Variants in SULT6B1 observed in about 807,000 individuals in gnomAD.
SULT6B1 encodes sulfotransferase 6B1.
Under a neutral mutation model 37.2 loss-of-function variants are expected in SULT6B1, and 44 were observed. The observed-to-expected ratio is 1.18, with a 90% CI of 0.93 to 1.52. The LOEUF (loss-of-function observed/expected upper bound fraction) is 1.52, where lower values mean the gene tolerates loss of function less well. Among genes scored for constraint, SULT6B1 ranks in the 40% most tolerant of loss-of-function variants. The probability of loss-of-function intolerance (pLI) is 0.00; values close to 1 mark genes in which losing one functional copy is unlikely to be tolerated. For synonymous variants in SULT6B1, 140 were observed against 126.0 expected, an observed-to-expected ratio of 1.11 and a Z score of -0.74; for missense variants, 450 against 361.0, an observed-to-expected ratio of 1.25 and a Z score of -2.00.
intron 4 of SULT6B1, among the ~76,000 whole-genome samples, chr2:37,177,836 T>C (rs868470492): frequency 1.3e-5 from 2 of 152,164 alleles, no homozygotes; most frequent in African/African-American, 2.4e-5. Flanking sequence ...CTTAAATATA[T>C]ACAACAAAAA....
chr2:37,188,571 A>G lies in SULT6B1; in HGVS notation c.70T>C (p.Ser24Pro). 1 of 1,590,458 alleles carries G rather than the reference A, an allele frequency of 6.3e-7. No individual in the cohort carries two copies. Among genetic ancestry groups the G allele is most frequent in the South Asian group, 1.1e-5 (1 of 90,580 alleles). ...CCCTGATAGGTGAAAAATAAATGAG[A>G]GAGTGCAGTTTCTTTTGATTTTTCT... ...ALEKSKETAL[S>P]HLFFTYQGIP... Residue 24 changes from serine to proline, a missense_variant, in exon 1 of 7, where the codon TCT (serine) becomes CCT (proline). Transcript: ENST00000535679.
chr2:37,176,260 CTT>C (rs34578951), intron 4 of SULT6B1, among the ~76,000 whole-genome samples: 4 of 112,580 alleles, frequency 3.6e-5, no homozygotes, highest in Admixed American at 1.1e-4. Context: ...CACGCAATAG[CTT>C]TTTTTTTTTT....
At chr2:37,188,099 A>T (rs1311732295) in intron 1 of SULT6B1, among the ~76,000 whole-genome samples, 1 of 152,164 alleles carries the variant, frequency 6.6e-6, no homozygotes, top group Non-Finnish European at 1.5e-5. Flanking sequence ...TCCAGCCAGA[A>T]ATCAAGACAA....
rs777681679 is a variant in SULT6B1 at position 37,171,481 on chromosome 2, T to A, written c.734A>T (p.Lys245Met). 37 of 1,614,098 alleles carry A rather than the reference T, an allele frequency of 2.3e-5. No homozygotes were observed. The highest frequency in any genetic ancestry group is 3.1e-5 in the Non-Finnish European group (36 of 1,180,040). The change falls in exon 6 of 7, where the codon AAG becomes ATG. Residue 245 changes from lysine (K) to methionine (M), a missense_variant. Physicochemically the swap from Lys to Met is moderately conservative, Grantham distance 95. Coordinates refer to ENST00000535679, the MANE Select transcript of SULT6B1 (RefSeq NM_001367551.1). Reference sequence around the variant, plus strand: ...GACAGCACCGTGTGTGTCCTGAGACTTCGCACGCATGGCTTGGAAGGTGCT... The same window carrying A: ...GACAGCACCGTGTGTGTCCTGAGACATCGCACGCATGGCTTGGAAGGTGCT... ...VQSTFQAMRAKSQDTHGAVGP... is the reference protein window; with the variant it reads ...VQSTFQAMRAMSQDTHGAVGP...
At chr2:37,177,467 G>GCATT (rs1372912167) in intron 4 of SULT6B1, among the ~76,000 whole-genome samples, 1 of 127,684 alleles carries the variant, frequency 7.8e-6, no homozygotes, top group East Asian at 3.9e-4. Flanking sequence ...AATACAGCAT[G>GCATT]TTTTCACTTA....
intron 5 of SULT6B1, among the ~76,000 whole-genome samples, chr2:37,172,701 T>A (rs1198352070): frequency 6.6e-6 from 1 of 151,864 alleles, no homozygotes; most frequent in Non-Finnish European, 1.5e-5. Flanking sequence ...AGAAACAGGG[T>A]TTCACCATGT....
intron 5 of SULT6B1, among the ~76,000 whole-genome samples, 188 bp downstream of exon 5, chr2:37,174,944 T>G (rs1676381363): frequency 1.3e-5 from 2 of 152,238 alleles, no homozygotes; most frequent in Non-Finnish European, 2.9e-5. Context: ...GTTATTTTAT[T>G]TCTGTTAAAT....
rs995530309 is a variant in SULT6B1, at chr2:37,187,475, A to G, written c.200-8T>C. Reference sequence around the variant, plus strand: ...GGAGAATCCAGTTTGAACCTATCAGAAAAATCAGAGAATAAAAACTCATTA... The same window carrying G: ...GGAGAATCCAGTTTGAACCTATCAGGAAAATCAGAGAATAAAAACTCATTA... On this transcript the variant is annotated splice_region_variant and splice_polypyrimidine_tract_variant and intron_variant, in intron 1 of 6. Transcript: ENST00000535679. 1 of 1,534,802 alleles carries G rather than the reference A, an allele frequency of 6.5e-7. No homozygotes were observed. The highest frequency in any genetic ancestry group is 1.4e-5 in the African/African-American group (1 of 72,874).
At position 37,167,839 on chromosome 2, in the gene SULT6B1, A is replaced by C; in HGVS notation, c.*96T>G. The C allele has an allele frequency of 9.5e-7, 1 of 1,055,660 alleles. No homozygotes were observed. Among genetic ancestry groups the C allele is most frequent in the South Asian group, 1.9e-5 (1 of 53,770 alleles). 65.4% of individuals were successfully genotyped at this position (1,055,660 alleles called of 1,614,324 possible). A position where few individuals can be genotyped will look rare whatever the true frequency, so the allele number is the denominator to read the frequency against. ...TATTATTTAGATTTCAATATTGTTT[A>C]ATTATTATTTGATTATTTGATTGAA... On this transcript the variant is annotated 3_prime_UTR_variant, in exon 7 of 7. Transcript: ENST00000535679.
chr2:37,179,648 G>T, intron 3 of SULT6B1, 64 bp from the exon 4 acceptor site: 1 of 1,439,866 alleles, frequency 6.9e-7, no homozygotes, highest in Non-Finnish European at 9.6e-7. Flanking sequence ...AAATTAAAAG[G>T]GTGAGCAATA....
At chr2:37,174,086 A>T (rs559818162) in intron 5 of SULT6B1, among the ~76,000 whole-genome samples, 1 of 152,114 alleles carries the variant, frequency 6.6e-6, no homozygotes, top group African/African-American at 2.4e-5. Context: ...TCTCACCAGG[A>T]CTATCCCAGC....
intron 4 of SULT6B1, among the ~76,000 whole-genome samples, chr2:37,177,411 C>CAAAAAAAA (rs57205863): frequency 5.2e-4 from 40 of 76,194 alleles, no homozygotes; most frequent in Admixed American, 8.9e-4. Context: ...AATCTTGTCT[C>CAAAAAAAA]AAAAAAAAAA....
At chr2:37,177,965 A>G (rs1309599755) in intron 4 of SULT6B1, among the ~76,000 whole-genome samples, 1 of 152,222 alleles carries the variant, frequency 6.6e-6, no homozygotes, top group Non-Finnish European at 1.5e-5. Flanking sequence ...GAGCCACTAA[A>G]AAAAGGAATC....
chr2:37,191,774 T>C (rs1191528094), upstream of SULT6B1, among the ~76,000 whole-genome samples: 1 of 152,130 alleles, frequency 6.6e-6, no homozygotes, highest in East Asian at 1.9e-4. Context: ...CCTTCACTGG[T>C]GTAGGGCAGC....
chr2:37,184,006 C>T (rs1676616332), intron 2 of SULT6B1, among the ~76,000 whole-genome samples: 1 of 152,156 alleles, frequency 6.6e-6, no homozygotes, highest in African/African-American at 2.4e-5. Context: ...CATAAATAAA[C>T]CAATAATTAA....
At chr2:37,195,746 C>T (rs1056855424) in intron 1 of SULT6B1, among the ~76,000 whole-genome samples, 1 of 152,164 alleles carries the variant, frequency 6.6e-6, no homozygotes, top group African/African-American at 2.4e-5. Context: ...ATGTCCCCTT[C>T]GCGCTTTCTC....
intron 3 of SULT6B1, among the ~76,000 whole-genome samples, chr2:37,183,106 A>G (rs1478393860): frequency 2.0e-5 from 3 of 152,156 alleles, no homozygotes; most frequent in Non-Finnish European, 2.9e-5. Context: ...TTTTTTTCTC[A>G]TTTTACTAAA....
rs1676215830 is a variant in SULT6B1 at position 37,167,972 on chromosome 2, C to T, written c.875G>A (p.Gly292Glu). 1.2e-6 allele frequency: 2 copies of T among 1,600,010 alleles called. No individual in the cohort carries two copies. Among genetic ancestry groups the T allele is most frequent in the Non-Finnish European group, 1.7e-6 (2 of 1,176,718 alleles). The change falls in exon 7 of 7, where the codon GGA becomes GAA. Residue 292 changes from glycine (G) to glutamate (E), a missense_variant. Transcript: ENST00000535679. ...FKECLAGTSL[G>E]AKLKYESYCQ... ...ATATGATTCATACTTCAACTTTGCTCCGAGGGAGGTGCCTGCTAAGCACTC... is the reference window on the plus strand; with the variant it reads ...ATATGATTCATACTTCAACTTTGCTTCGAGGGAGGTGCCTGCTAAGCACTC...
rs747248170 is a variant in SULT6B1 at position 37,167,959 on chromosome 2, C to G, written c.888G>C (p.Lys296Asn). 3.1e-6 allele frequency: 5 copies of G among 1,598,028 alleles called. No individual in the cohort carries two copies. The African/African-American group carries it at 5.4e-5, about 17-fold the overall frequency. The part of the protein sequence containing the change: ...LAGTSLGAKL[K>N]YESYCQG The stretch of plus-strand genomic sequence containing the variant: ...ATCAACCCTGGCAATATGATTCATA[C>G]TTCAACTTTGCTCCGAGGGAGGTGC... The change falls in exon 7 of 7, where the codon AAG (lysine) becomes AAC (asparagine). Residue 296 changes from lysine to asparagine, a missense_variant. Physicochemically the swap from Lys to Asn is moderately conservative, Grantham distance 94. Coordinates refer to ENST00000535679, the MANE Select transcript of SULT6B1 (RefSeq NM_001367551.1).
Sources: gnomAD v4.1 joint callset for allele counts (sites outside exome capture counted in the v4.1 genomes callset) on GRCh38, gnomAD v4.1.1 for gene constraint, MANE v1.5 for transcripts, NCBI Gene and HGNC (gene_info 2026-07-23, HGNC 2026-07-21) for gene names.